The following RBFOX1 variants were observed in gnomAD, a reference collection of about 807,000 sequenced individuals.
RBFOX1 encodes the protein RNA binding fox-1 homolog 1.
A neutral mutation model predicts 57.7 loss-of-function variants in RBFOX1; 8 were observed. The ratio of observed to expected loss-of-function variants is 0.14; its 90% CI spans 0.08 to 0.25. The LOEUF is 0.25. Among genes scored for constraint, RBFOX1 ranks in the 10% least tolerant of loss-of-function variants. The pLI, the probability that RBFOX1 is intolerant of heterozygous loss-of-function variation, is 1.00. For missense variants in RBFOX1, 611 were observed against 548.5 expected (o/e 1.11, Z -1.14); for synonymous variants, 326 against 222.4 (o/e 1.47, Z -4.15).
chr16:5,855,980 T>A (rs2057018387), intron 3 of RBFOX1, among the ~76,000 whole-genome samples: 2 of 145,530 alleles, frequency 1.4e-5, no homozygotes, highest in African/African-American at 2.5e-5. Flanking sequence ...GTTATTCTTT[T>A]TTTTTTTTTT....
chr16:5,248,226 TC>T (rs1222577399), intron 1 of RBFOX1, among the ~76,000 whole-genome samples: 3 of 152,202 alleles, frequency 2.0e-5, no homozygotes, highest in Admixed American at 2.0e-4. Context: ...AATTAACATT[TC>T]CCCCAAGTTT....
At chr16:5,352,965 G>A (rs2065297072) in intron 1 of RBFOX1, among the ~76,000 whole-genome samples, 1 of 152,062 alleles carries the variant, frequency 6.6e-6, no homozygotes, top group East Asian at 1.9e-4. Flanking sequence ...ATCCTTACTT[G>A]ATACATACTT....
At chr16:6,235,735 C>A (rs1352258580) in intron 1 of RBFOX1, among the ~76,000 whole-genome samples, 1 of 152,010 alleles carries the variant, frequency 6.6e-6, no homozygotes, top group Non-Finnish European at 1.5e-5. Flanking sequence ...GAGACTATTA[C>A]TCTAAGTGAA....
chr16:6,640,670 C>T (rs1055828723), intron 2 of RBFOX1, among the ~76,000 whole-genome samples: 2 of 152,088 alleles, frequency 1.3e-5, no homozygotes, highest in African/African-American at 2.4e-5. Context: ...GAAGTAGGTA[C>T]ATTGGGGTAT....
intron 4 of RBFOX1, among the ~76,000 whole-genome samples, chr16:7,115,318 G>A (rs2065651644): frequency 1.3e-5 from 2 of 152,158 alleles, no homozygotes; most frequent in South Asian, 2.1e-4. Flanking sequence ...AACGTTGCTA[G>A]GCTTTGGATG....
At chr16:6,006,364 C>T (rs2094927201) in intron 4 of RBFOX1, among the ~76,000 whole-genome samples, 2 of 140,236 alleles carry the variant, frequency 1.4e-5, no homozygotes, top group South Asian at 4.8e-4. Context: ...TTGTTTGAGC[C>T]CTACTGTAGG....
chr16:6,015,080 C>T (rs990338812), upstream of RBFOX1, among the ~76,000 whole-genome samples: 1 of 152,124 alleles, frequency 6.6e-6, no homozygotes, highest in Non-Finnish European at 1.5e-5. Context: ...TGGTCTCAAA[C>T]TCCTAGGCTC....
chr16:6,219,263 G>T (rs1336390785), intron 1 of RBFOX1, among the ~76,000 whole-genome samples: 5 of 152,110 alleles, frequency 3.3e-5, no homozygotes, highest in Non-Finnish European at 5.9e-5. Flanking sequence ...GAGCCCAGGA[G>T]CTCAAGACCA....
At position 7,318,261 on chromosome 16, in the gene RBFOX1, T is replaced by C. The variant is rs762056700; in HGVS notation, c.28-199886T>C. On this transcript the variant is annotated intron_variant, in intron 4 of 15. Coordinates refer to ENST00000550418, the MANE Select transcript of RBFOX1 (RefSeq NM_018723.4). ...GTTGGGATAGTGGTGATGGCAGTGA[T>C]GGTGGATGGTAGTGTTGGTGATAGT... is the stretch of plus-strand genomic sequence containing the variant. Among the ~76,000 whole-genome samples the C allele has an allele frequency of 1.4e-3, 215 of 151,602 alleles. 1 individual carries two copies. Among genetic ancestry groups the C allele is most frequent in the Middle Eastern group, 3.4e-3 (1 of 294 alleles).
At chr16:6,441,328 G>C (rs1178839829) in intron 2 of RBFOX1, among the ~76,000 whole-genome samples, 1 of 152,190 alleles carries the variant, frequency 6.6e-6, no homozygotes, top group African/African-American at 2.4e-5. Context: ...TGTGTACATA[G>C]CTTCCCCTAA....
intron 4 of RBFOX1, among the ~76,000 whole-genome samples, chr16:7,443,022 A>G (rs2098781091): frequency 6.6e-6 from 1 of 152,146 alleles, no homozygotes; most frequent in Admixed American, 6.5e-5. Flanking sequence ...ACTTTAATTA[A>G]CATCCTTTTT....
intron 1 of RBFOX1, among the ~76,000 whole-genome samples, chr16:6,053,195 C>T (rs1402424917): frequency 6.6e-5 from 10 of 152,124 alleles, no homozygotes; most frequent in Non-Finnish European, 1.3e-4. Context: ...CAGAAATTAT[C>T]CGAGGGCTCC....
intron 3 of RBFOX1, among the ~76,000 whole-genome samples, chr16:6,780,527 TATTTATATATAC>T (rs1358901484): frequency 7.7e-6 from 1 of 130,086 alleles, no homozygotes; most frequent in Non-Finnish European, 1.5e-5. Context: ...CATTTATATA[TATTTATATATAC>T]ATTTACATAT....
chr16:7,252,926 G>C (rs527541400), intron 4 of RBFOX1, among the ~76,000 whole-genome samples: 1 of 152,120 alleles, frequency 6.6e-6, no homozygotes, highest in African/African-American at 2.4e-5. Context: ...AAATGCATGT[G>C]TGTAATCACA....
At chr16:7,002,616 G>A (rs1455256125) in intron 3 of RBFOX1, among the ~76,000 whole-genome samples, 1 of 152,166 alleles carries the variant, frequency 6.6e-6, no homozygotes, top group African/African-American at 2.4e-5. Context: ...GGAGGCTGAG[G>A]CAGGAGAATC....
rs1452267732 is a variant in RBFOX1, at chr16:5,264,514, C to T, written c.219+24409C>T. Among the ~76,000 whole-genome samples, 5 of 152,168 alleles carry T rather than the reference C, an allele frequency of 3.3e-5. No individual in the cohort carries two copies. In the East Asian group the frequency reaches 7.7e-4, roughly 23 times the overall value. On this transcript the variant is annotated intron_variant, in intron 1 of 2. Coordinates refer to the RBFOX1 transcript ENST00000585867. ...CAGAAATCTGCCCATTGGTGAAAGA[C>T]CACCAGCTGTCCTTTTTGGCGGATT...
At chr16:7,575,503 T>C (rs1204428485) in intron 5 of RBFOX1, among the ~76,000 whole-genome samples, 1 of 152,066 alleles carries the variant, frequency 6.6e-6, no homozygotes, top group Non-Finnish European at 1.5e-5. Flanking sequence ...AAGTAGGGAC[T>C]GTGGACATTG....
At chr16:5,772,310 A>G (rs912022559) in intron 3 of RBFOX1, among the ~76,000 whole-genome samples, 6 of 151,982 alleles carry the variant, frequency 3.9e-5, no homozygotes, top group Non-Finnish European at 8.8e-5. Context: ...CCCTCCATGT[A>G]GAGTCTGTAC....
At chr16:5,409,884 C>T (rs922923374) in intron 1 of RBFOX1, among the ~76,000 whole-genome samples, 1 of 151,764 alleles carries the variant, frequency 6.6e-6, no homozygotes, top group Non-Finnish European at 1.5e-5. Flanking sequence ...CCCGTCTCTA[C>T]TAAAAATAGA....
Sources: allele counts gnomAD v4.1 joint callset (sites outside exome capture counted in the v4.1 genomes callset), GRCh38; gene constraint gnomAD v4.1.1; transcripts MANE v1.5; gene names NCBI Gene and HGNC (gene_info 2026-07-23, HGNC 2026-07-21).